The following PIK3R3 variants were observed in gnomAD, a reference collection of about 807,000 sequenced individuals.
The protein encoded by PIK3R3 is phosphatidylinositol 3-kinase regulatory subunit gamma.
In PIK3R3, 64 loss-of-function variants were observed where a neutral mutation model predicts 62.9. The ratio of observed to expected loss-of-function variants is 1.02; its 90% CI spans 0.83 to 1.25. PIK3R3 has a LOEUF of 1.25. Ranked by LOEUF, PIK3R3 falls within the 50% of genes most tolerant of loss-of-function variation. The pLI, the probability that PIK3R3 is intolerant of heterozygous loss-of-function variation, is 0.00. For synonymous variants in PIK3R3, 165 were observed against 189.0 expected, an observed-to-expected ratio of 0.87 and a Z score of 1.04; for missense variants, 614 against 561.6, an observed-to-expected ratio of 1.09 and a Z score of -0.94.
chr1:46,173,443 G>A, the PIK3R3 span, among the ~76,000 whole-genome samples: 293 of 152,314 alleles, frequency 1.9e-3, no homozygotes, highest in African/African-American at 6.8e-3. Context: ...ACTGTTGACT[G>A]ACACAGAGTT....
chr1:46,167,925 G>T, the PIK3R3 span, among the ~76,000 whole-genome samples: 1 of 152,196 alleles, frequency 6.6e-6, no homozygotes, highest in Non-Finnish European at 1.5e-5. Flanking sequence ...GGAGGCTGAG[G>T]ACAGCAGATC....
At chr1:46,102,803 TAAAAA>T (rs33975572) in intron 1 of PIK3R3, among the ~76,000 whole-genome samples, 32 of 55,766 alleles carry the variant, frequency 5.7e-4, no homozygotes, top group African/African-American at 2.1e-3. Flanking sequence ...GTATATATCT[TAAAAA>T]AAAAAAAAAA....
chr1:46,083,144 T>C (rs1217940760), intron 1 of PIK3R3, among the ~76,000 whole-genome samples: 1 of 152,102 alleles, frequency 6.6e-6, no homozygotes, highest in Non-Finnish European at 1.5e-5. Flanking sequence ...GTCAAAATAA[T>C]TCAATGAGGG....
At chr1:46,137,337 G>A (rs948674492), upstream of PIK3R3, among the ~76,000 whole-genome samples, 1 of 152,184 alleles carries the variant, frequency 6.6e-6, no homozygotes, top group Non-Finnish European at 1.5e-5. Flanking sequence ...GACACAATAA[G>A]CGCTATAATC....
Position 46,131,884 on chromosome 1 carries a change from C to G in PIK3R3, c.69G>C (p.Ser23=). ...ADWREVMMPY[S]TELIFYIEMD... is the part of the protein sequence containing the mutation. Reference sequence around the variant, plus strand: ...TTTCAATATAAAATATCAGTTCTGTCGAATAGGGCATCATCACCTCCCTCC... The same window carrying G: ...TTTCAATATAAAATATCAGTTCTGTGGAATAGGGCATCATCACCTCCCTCC... Residue 23 remains serine, a synonymous_variant, in exon 1 of 10, where the codon TCG becomes TCC. Transcript: ENST00000262741. The G allele has an allele frequency of 6.2e-7, 1 of 1,613,152 alleles. No homozygotes were observed. The highest frequency in any genetic ancestry group is 8.5e-7 in the Non-Finnish European group (1 of 1,179,504).
chr1:46,174,503 A>G, the PIK3R3 span, among the ~76,000 whole-genome samples: 1 of 152,172 alleles, frequency 6.6e-6, no homozygotes, highest in Admixed American at 6.5e-5. Flanking sequence ...CCAGGGGGCC[A>G]GGCCACCAAA....
At chr1:46,110,376 C>T (rs1338891232) in intron 1 of PIK3R3, among the ~76,000 whole-genome samples, 1 of 151,242 alleles carries the variant, frequency 6.6e-6, no homozygotes, top group Non-Finnish European at 1.5e-5. Flanking sequence ...CCCACCTTTG[C>T]CTCCCAAAGT....
intron 1 of PIK3R3, among the ~76,000 whole-genome samples, chr1:46,116,134 A>G (rs2149461428): frequency 6.6e-6 from 1 of 152,314 alleles, no homozygotes; most frequent in Admixed American, 6.5e-5. Context: ...TTACTTTTCA[A>G]TTTAATTTGA....
rs527461362 is a variant in PIK3R3, at chr1:46,090,495, C to A, written c.107-9745G>T. On this transcript the variant is annotated intron_variant, in intron 1 of 9. Coordinates refer to ENST00000262741, the MANE Select transcript of PIK3R3 (RefSeq NM_003629.4). ...TACAGGTGTGTGCCACCATGCCCGG[C>A]TAGTTTTTTTGTATTTTTAGTAGAG... Among the ~76,000 whole-genome samples, 3 of 152,152 alleles carry A rather than the reference C, an allele frequency of 2.0e-5. No homozygotes were observed. In the East Asian group the frequency reaches 5.8e-4, roughly 29 times the overall value.
At chr1:46,123,740 G>A (rs1041988943) in intron 1 of PIK3R3, among the ~76,000 whole-genome samples, 2 of 152,220 alleles carry the variant, frequency 1.3e-5, no homozygotes, top group African/African-American at 4.8e-5. Flanking sequence ...CCTGTCTGTA[G>A]AGTGGGATAA....
At chr1:46,061,313 C>G (rs911172314) in intron 6 of PIK3R3, among the ~76,000 whole-genome samples, 7 of 152,200 alleles carry the variant, frequency 4.6e-5, no homozygotes, top group African/African-American at 1.7e-4. Context: ...CCCATGACCT[C>G]CCGCTTCTTT....
intron 7 of PIK3R3, among the ~76,000 whole-genome samples, chr1:46,054,941 T>C (rs1280587526): frequency 2.0e-5 from 3 of 152,020 alleles, no homozygotes; most frequent in African/African-American, 4.8e-5. Context: ...CTCACTCTGT[T>C]GCCCAGGCTG....
chr1:46,140,495 G>A, the PIK3R3 span, among the ~76,000 whole-genome samples: 1 of 152,200 alleles, frequency 6.6e-6, no homozygotes, highest in Non-Finnish European at 1.5e-5. Context: ...GAGGGTCTTT[G>A]CAGATATAAT....
chr1:46,160,028 C>T, the PIK3R3 span, among the ~76,000 whole-genome samples: 1 of 152,072 alleles, frequency 6.6e-6, no homozygotes. Flanking sequence ...CTGTTCTGTC[C>T]CTAAACTTAG....
intron 3 of PIK3R3, among the ~76,000 whole-genome samples, chr1:46,070,113 G>C (rs868263146): frequency 1.3e-5 from 2 of 152,294 alleles, no homozygotes; most frequent in Middle Eastern, 3.4e-3. Flanking sequence ...AAGAGATATA[G>C]GGTCAATTAT....
At position 46,071,910 on chromosome 1, in the gene PIK3R3, ACTT is replaced by A. The variant is rs1323747990; in HGVS notation, c.315-4822_315-4820del. Among the ~76,000 whole-genome samples, 7 of 150,498 alleles carry A rather than the reference ACTT, an allele frequency of 4.7e-5. No individual in the cohort carries two copies. The East Asian group carries it at 7.8e-4, about 17-fold the overall frequency. On this transcript the variant is annotated intron_variant, in intron 3 of 9. Transcript: ENST00000262741. ...CCTTTCCTACCTCCTATCCCCTACC[ACTT>A]CTTCTTCACAAACTTTATCTTTTAG...
At position 46,042,381 on chromosome 1, in the gene PIK3R3, A is replaced by G. The variant is rs1165573313; in HGVS notation, c.*1292T>C. On this transcript the variant is annotated 3_prime_UTR_variant, in exon 10 of 10. Transcript: ENST00000262741. The surrounding 1 kb of genome is among the most constrained non-coding windows in gnomAD (Gnocchi z 4.3). The stretch of plus-strand genomic sequence containing the variant: ...TCCAGATGGCTTCTACTAACAGTCT[A>G]AACACTAAGCCATCTTCTCTCCCTG... 1 of 229,124 alleles carries G rather than the reference A, an allele frequency of 4.4e-6. No homozygotes were observed. Among genetic ancestry groups the G allele is most frequent in the African/African-American group, 2.2e-5 (1 of 45,092 alleles). 14.2% of individuals were successfully genotyped at this position (229,124 alleles called of 1,614,324 possible).
chr1:46,161,518 T>C, the PIK3R3 span, among the ~76,000 whole-genome samples: 1 of 152,198 alleles, frequency 6.6e-6, no homozygotes, highest in Non-Finnish European at 1.5e-5. Flanking sequence ...TATGTCAAGA[T>C]CCTTAAAAAT....
At chr1:46,101,091 G>A (rs571847012) in intron 1 of PIK3R3, among the ~76,000 whole-genome samples, 1 of 145,220 alleles carries the variant, frequency 6.9e-6, no homozygotes, top group African/African-American at 2.6e-5. Context: ...AGAATCGTCT[G>A]AACCCAGAAG....
Sources: gnomAD v4.1 joint callset for allele counts (sites outside exome capture counted in the v4.1 genomes callset) on GRCh38, gnomAD v4.1.1 for gene constraint, Gnocchi (gnomAD v3.1) non-coding constraint, MANE v1.5 for transcripts, NCBI Gene and HGNC (gene_info 2026-07-23, HGNC 2026-07-21) for gene names.